ADCY9: variants seen among roughly 807,000 people sequenced by gnomAD.
The protein encoded by ADCY9 is adenylate cyclase type 9.
In ADCY9, 50 loss-of-function variants were observed where a neutral mutation model predicts 101.5. That is an observed-to-expected ratio of 0.49 (90% CI 0.39 to 0.62). The LOEUF (loss-of-function observed/expected upper bound fraction) is 0.62, where lower values mean the gene tolerates loss of function less well. ADCY9 is among the 20% of genes least tolerant of loss of function. The pLI, the probability that ADCY9 is intolerant of heterozygous loss-of-function variation, is 0.00. For missense variants in ADCY9, 1,662 were observed against 1,800.4 expected (o/e 0.92, Z 1.39); for synonymous variants, 905 against 769.3 (o/e 1.18, Z -2.92).
At position 4,097,487 on chromosome 16, in the gene ADCY9, T is replaced by TATACAC. The variant is rs76750792; in HGVS notation, c.1693+16262_1693+16263insGTGTAT. ...ATATATATATATATATATATATATATACACACACACACACTATATATATGT... is the reference window on the plus strand; with the variant it reads ...ATATATATATATATATATATATATATATACACACACACACACACACTATATATATGT... On this transcript the variant is annotated intron_variant, in intron 2 of 10. Transcript: ENST00000294016. Among the ~76,000 whole-genome samples the TATACAC allele has an allele frequency of 2.4e-3, 175 of 72,432 alleles. 1 individual carries two copies. Among genetic ancestry groups the TATACAC allele is most frequent in the Non-Finnish European group, 3.3e-3 (126 of 37,634 alleles). The allele number at this position is 72,432 out of a possible 152,430, so 47.5% of individuals were successfully genotyped here. A position where few individuals can be genotyped will look rare whatever the true frequency, so the allele number is the denominator to read the frequency against.
At chr16:4,011,182 G>T (rs967495941) in intron 2 of ADCY9, among the ~76,000 whole-genome samples, 1 of 152,282 alleles carries the variant, frequency 6.6e-6, no homozygotes, top group East Asian at 1.9e-4. Flanking sequence ...ACCAGGCAGG[G>T]GGGTTACTAG....
Position 4,045,594 on chromosome 16 carries a change from TAAAAAAAAA to T in ADCY9, c.1694-38045_1694-38037del, listed in dbSNP as rs545715002. ...TGGGCAACAGAGCAAGACTCTGCCT[TAAAAAAAAA>T]AAAAAAAAAAAAAAAAGAGCCAAAT... On this transcript the variant is annotated intron_variant, in intron 2 of 10. Coordinates refer to ENST00000294016, the MANE Select transcript of ADCY9 (RefSeq NM_001116.4). Among the ~76,000 whole-genome samples, 50 of 64,968 alleles carry T rather than the reference TAAAAAAAAA, an allele frequency of 7.7e-4. 2 individuals are homozygous for T. In the South Asian group the frequency reaches 0.033, roughly 43 times the overall value. The allele number at this position is 64,968 out of a possible 152,430, so 42.6% of individuals were successfully genotyped here. A position where few individuals can be genotyped will look rare whatever the true frequency, so the allele number is the denominator to read the frequency against.
At chr16:4,033,432 A>ATT (rs71133683) in intron 2 of ADCY9, among the ~76,000 whole-genome samples, 5,702 of 125,882 alleles carry the variant, frequency 0.045, 324 homozygotes, top group African/African-American at 0.13. Context: ...CCTTGAAGTA[A>ATT]TTTTTTTTTT....
At chr16:3,984,070 C>T (rs1397134929) in intron 6 of ADCY9, 1 of 151,762 alleles carries the variant, frequency 6.6e-6, no homozygotes, top group Non-Finnish European at 1.5e-5. Context: ...ATACCGTTTC[C>T]GAAAACAAAA....
rs960148286 is a variant in ADCY9, at chr16:3,964,278, C to T, written c.*1497G>A. 5 of 152,454 alleles carry T rather than the reference C, an allele frequency of 3.3e-5. No individual in the cohort carries two copies. The highest frequency in any genetic ancestry group is 2.1e-4 in the South Asian group (1 of 4,836). 9.4% of individuals were successfully genotyped at this position (152,454 alleles called of 1,614,324 possible). The stretch of plus-strand genomic sequence containing the variant: ...GGGTCCCCTGAAAGACTGGCTACAA[C>T]TCCGACCGGACAACTCGGGCGAGCT... On this transcript the variant is annotated 3_prime_UTR_variant, in exon 11 of 11. Coordinates refer to ENST00000294016, the MANE Select transcript of ADCY9 (RefSeq NM_001116.4).
chr16:4,076,905 C>T lies in ADCY9; in HGVS notation c.1693+36845G>A, dbSNP rs146928082. On this transcript the variant is annotated intron_variant, in intron 2 of 10. Coordinates refer to ENST00000294016, the MANE Select transcript of ADCY9 (RefSeq NM_001116.4). ...CAGCTTGGCCAACATGGTGAAACCC[C>T]GTCTCTACTAAAAATACAAAAATTA... 2.3e-3 allele frequency among the ~76,000 whole-genome samples: 343 copies of T among 152,062 alleles called. 7 individuals carry two copies. In the Middle Eastern group the frequency reaches 0.037, roughly 17 times the overall value.
rs2055949411 is a variant in ADCY9, at chr16:3,962,941, G to C, written c.*2834C>G. 1 of 152,756 alleles carries C rather than the reference G, an allele frequency of 6.5e-6. No individual in the cohort carries two copies. Among genetic ancestry groups the C allele is most frequent in the South Asian group, 2.1e-4 (1 of 4,822 alleles). The allele number at this position is 152,756 out of a possible 1,614,324, so 9.5% of individuals were successfully genotyped here. A position where few individuals can be genotyped will look rare whatever the true frequency, so the allele number is the denominator to read the frequency against. ...CACGCGGCCTTCGGCTCTCCGGATC[G>C]TGTGCAAATGTGCAGGGGGAGCCCC... On this transcript the variant is annotated 3_prime_UTR_variant, in exon 11 of 11. Transcript: ENST00000294016.
intron 9 of ADCY9, among the ~76,000 whole-genome samples, 189 bp from the exon 10 acceptor site, chr16:3,974,899 A>G (rs2141680221): frequency 6.6e-6 from 1 of 152,230 alleles, no homozygotes; most frequent in East Asian, 1.9e-4. Context: ...CCCTTGGTAA[A>G]GCTGAGTTTA....
intron 7 of ADCY9, 98 bp from the exon 8 acceptor site, chr16:3,979,373 C>A (rs1317167068): frequency 2.1e-6 from 3 of 1,420,054 alleles, no homozygotes; most frequent in Non-Finnish European, 2.9e-6. Context: ...GCCCTCTGCT[C>A]TCTCCCGTGT....
intron 2 of ADCY9, among the ~76,000 whole-genome samples, chr16:4,061,652 T>C (rs996768624): frequency 6.6e-6 from 1 of 152,034 alleles, no homozygotes; most frequent in South Asian, 2.1e-4. Context: ...AATAAAGATA[T>C]TCCTAGATAA....
At chr16:3,985,982 G>GCT (rs56095722) in intron 6 of ADCY9, among the ~76,000 whole-genome samples, 138,760 of 151,832 alleles carry the variant, frequency 0.91, 63,528 homozygotes, top group Non-Finnish European at 0.94. Context: ...CTCCCCATGG[G>GCT]CGAAACCCAG....
intron 2 of ADCY9, among the ~76,000 whole-genome samples, chr16:4,009,157 A>G (rs1186700104): frequency 1.3e-5 from 2 of 152,202 alleles, no homozygotes; most frequent in Admixed American, 6.5e-5. Context: ...AGTCCTAGAA[A>G]CACGTAAAGA....
chr16:4,013,814 C>T (rs898145891), intron 2 of ADCY9, among the ~76,000 whole-genome samples: 1 of 152,122 alleles, frequency 6.6e-6, no homozygotes, highest in African/African-American at 2.4e-5. Context: ...ATTCTTTCTG[C>T]GTAAGAAGAA....
intron 5 of ADCY9, among the ~76,000 whole-genome samples, chr16:3,956,605 C>T: frequency 6.7e-6 from 1 of 150,174 alleles, no homozygotes. Flanking sequence ...ATTCTCCTGC[C>T]TCAGCCTCCC....
intron 2 of ADCY9, among the ~76,000 whole-genome samples, chr16:4,030,817 T>TG (rs1293181922): frequency 6.6e-6 from 1 of 151,794 alleles, no homozygotes; most frequent in Admixed American, 6.6e-5. Flanking sequence ...AAGGAGGAAG[T>TG]GGGTAGCGTT....
downstream of ADCY9, among the ~76,000 whole-genome samples, chr16:3,960,356 C>A (rs983863423): frequency 6.6e-6 from 1 of 151,998 alleles, no homozygotes; most frequent in Non-Finnish European, 1.5e-5. Context: ...TCTGTCTCTA[C>A]TAAAAATACA....
intron 3 of ADCY9, among the ~76,000 whole-genome samples, chr16:4,001,425 T>A (rs1162925095): frequency 6.6e-6 from 1 of 152,212 alleles, no homozygotes; most frequent in Non-Finnish European, 1.5e-5. Flanking sequence ...AGAGGTGACA[T>A]GCCCTTCTCA....
chr16:4,005,444 G>C (rs947429913), intron 3 of ADCY9, among the ~76,000 whole-genome samples: 3 of 152,168 alleles, frequency 2.0e-5, no homozygotes, highest in African/African-American at 2.4e-5. Context: ...GACCAGGCTG[G>C]TCTGGAAATC....
chr16:4,089,052 T>C (rs2056956999), intron 2 of ADCY9, among the ~76,000 whole-genome samples: 1 of 151,922 alleles, frequency 6.6e-6, no homozygotes, highest in Non-Finnish European at 1.5e-5. Flanking sequence ...AGTTCTAGAG[T>C]TCCTAGAAAT....
Sources: gnomAD v4.1 joint callset for allele counts (sites outside exome capture counted in the v4.1 genomes callset) on GRCh38, gnomAD v4.1.1 for gene constraint, MANE v1.5 for transcripts, NCBI Gene and HGNC (gene_info 2026-07-23, HGNC 2026-07-21) for gene names.